The following MYO18B variants were observed in gnomAD, a reference collection of about 807,000 sequenced individuals.
The protein encoded by MYO18B is myosin XVIIIB, also known as unconventional myosin-XVIIIb.
MYO18B carries 204 observed loss-of-function variants against 273.0 expected under a neutral mutation model. The observed-to-expected ratio is 0.75, with a 90% CI of 0.67 to 0.84. The LOEUF (loss-of-function observed/expected upper bound fraction) is 0.84. Ranked by LOEUF, MYO18B falls within the 40% of genes least tolerant of loss-of-function variation. MYO18B has a pLI of 0.00. For synonymous variants in MYO18B, 1,330 were observed against 1,305.7 expected (o/e 1.02, Z -0.40); for missense variants, 3,212 against 3,287.6 (o/e 0.98, Z 0.56).
chr22:26,055,080 T>C, the MYO18B span, among the ~76,000 whole-genome samples: 11 of 152,190 alleles, frequency 7.2e-5, no homozygotes, highest in Non-Finnish European at 1.3e-4. Flanking sequence ...GCCTCCTGTG[T>C]GCCAGACACC....
intron 3 of MYO18B, among the ~76,000 whole-genome samples, chr22:25,763,729 A>G (rs118015847): frequency 0.013 from 1,995 of 152,314 alleles, 24 homozygotes; most frequent in South Asian, 0.027. Flanking sequence ...CTCTCATTCA[A>G]TTCTGTATCT....
At chr22:26,058,721 C>T in the MYO18B span, among the ~76,000 whole-genome samples, 7 of 152,158 alleles carry the variant, frequency 4.6e-5, no homozygotes. Flanking sequence ...CTCTTTCTTC[C>T]TCTCTCACTG....
chr22:25,969,937 C>T (rs1039688198), intron 39 of MYO18B, among the ~76,000 whole-genome samples: 42 of 152,134 alleles, frequency 2.8e-4, no homozygotes, highest in Admixed American at 2.7e-3. Flanking sequence ...TAATAACCAT[C>T]ATCATCATCA....
chr22:25,959,820 T>C (rs1453647200), intron 39 of MYO18B, among the ~76,000 whole-genome samples: 3 of 152,168 alleles, frequency 2.0e-5, no homozygotes, highest in African/African-American at 7.2e-5. Context: ...CTGGGATTGG[T>C]GTCCCACGTG....
chr22:25,860,692 A>G (rs1478942761), intron 21 of MYO18B, among the ~76,000 whole-genome samples: 1 of 152,082 alleles, frequency 6.6e-6, no homozygotes, highest in Admixed American at 6.5e-5. Context: ...AACATATGTT[A>G]TATGATTTCA....
At chr22:25,842,729 C>T (rs2090122142) in intron 17 of MYO18B, among the ~76,000 whole-genome samples, 1 of 151,598 alleles carries the variant, frequency 6.6e-6, no homozygotes, top group African/African-American at 2.4e-5. Context: ...AGACAGCTAT[C>T]CCAAACCTGT....
intron 33 of MYO18B, among the ~76,000 whole-genome samples, chr22:25,918,404 T>G (rs1185622509): frequency 1.3e-5 from 2 of 152,260 alleles, no homozygotes; most frequent in Non-Finnish European, 2.9e-5. Context: ...CTAAACATCA[T>G]GTAGATTTAT....
intron 22 of MYO18B, 150 bp from the exon 23 acceptor site, chr22:25,874,136 T>G: frequency 1.1e-6 from 1 of 899,098 alleles, no homozygotes; most frequent in Non-Finnish European, 1.7e-6. Context: ...GCTTTGATAA[T>G]TTAGACTCCC....
Position 25,805,654 on chromosome 22 carries a change from T to TAACCAAAA in MYO18B, c.2521+7558_2521+7559insACCAAAAA, listed in dbSNP as rs575049799. Reference sequence around the variant, plus strand: ...CACACGTTTGGTTGGGTTACTTCAGTAGAGCTACCGATGACCCTGTATGAG... The same window carrying TAACCAAAA: ...CACACGTTTGGTTGGGTTACTTCAGTAACCAAAAAGAGCTACCGATGACCCTGTATGAG... On this transcript the variant is annotated intron_variant, in intron 12 of 43. Transcript: ENST00000335473. Among the ~76,000 whole-genome samples, 11 of 152,342 alleles carry TAACCAAAA rather than the reference T, an allele frequency of 7.2e-5. No homozygotes were observed. In the South Asian group the frequency reaches 2.1e-3, roughly 29 times the overall value.
chr22:25,883,469 T>G lies in MYO18B; in HGVS notation c.4314+5421T>G, dbSNP rs1331217542. 1 of 152,212 alleles carries G rather than the reference T, an allele frequency of 6.6e-6. No homozygotes were observed. The allele number at this position is 152,212 out of a possible 1,614,324, so 9.4% of individuals were successfully genotyped here. On this transcript the variant is annotated intron_variant, in intron 25 of 43. Transcript: ENST00000335473. The surrounding 1 kb of genome is among the most constrained non-coding windows in gnomAD (Gnocchi z 7.6). ...CTGAATCAGTAGGCTTGGCGTGGCCTTGGGGAGGCTGTATTTCTAACATGC... is the reference window on the plus strand; with the variant it reads ...CTGAATCAGTAGGCTTGGCGTGGCCGTGGGGAGGCTGTATTTCTAACATGC...
chr22:26,062,084 G>T, the MYO18B span, among the ~76,000 whole-genome samples: 107 of 152,304 alleles, frequency 7.0e-4, no homozygotes, highest in Middle Eastern at 3.4e-3. Flanking sequence ...TAGGATCCAT[G>T]AAACATTATT....
intron 34 of MYO18B, among the ~76,000 whole-genome samples, chr22:25,933,391 A>G (rs149981380): frequency 2.8e-4 from 43 of 152,256 alleles, no homozygotes; most frequent in Middle Eastern, 6.8e-3. Flanking sequence ...TCAAAAGCCA[A>G]CTGGTGGTTT....
chr22:25,774,228 A>G (rs932344400), intron 7 of MYO18B, among the ~76,000 whole-genome samples: 3 of 151,644 alleles, frequency 2.0e-5, no homozygotes, highest in Admixed American at 6.6e-5. Flanking sequence ...ACCTTCAGTC[A>G]CTCCCAGGGG....
At chr22:25,865,656 G>A (rs1029438449) in intron 21 of MYO18B, among the ~76,000 whole-genome samples, 2 of 152,122 alleles carry the variant, frequency 1.3e-5, no homozygotes, top group Non-Finnish European at 2.9e-5. Context: ...TCGGAGTAAA[G>A]CACTTCCCCA....
At chr22:26,039,077 C>T in the MYO18B span, among the ~76,000 whole-genome samples, 2 of 151,992 alleles carry the variant, frequency 1.3e-5, no homozygotes, top group Admixed American at 1.3e-4. Flanking sequence ...AAGATGAAGC[C>T]TGGAAGACTG....
intron 33 of MYO18B, among the ~76,000 whole-genome samples, chr22:25,913,848 A>C (rs1378942733): frequency 6.6e-6 from 1 of 152,240 alleles, no homozygotes; most frequent in East Asian, 1.9e-4. Flanking sequence ...CTTAATAAAA[A>C]ATATTTTTAA....
Position 25,763,295 on chromosome 22 carries a change from G to A in MYO18B, c.104G>A (p.Gly35Glu). The A allele has an allele frequency of 1.2e-6, 2 of 1,613,110 alleles. No homozygotes were observed. Among genetic ancestry groups the A allele is most frequent in the South Asian group, 1.1e-5 (1 of 90,992 alleles). ...CCTCCTCTTTTCTCTGTCATCCCAG[G>A]GGGCTTCATTAAGCAACTGGTCCGG... is the stretch of plus-strand genomic sequence containing the variant. ...SPPPLFSVIP[G>E]GFIKQLVRGT... Residue 35 changes from glycine (G) to glutamate (E), a missense_variant, in exon 3 of 44, where the codon GGG becomes GAG. Coordinates refer to ENST00000335473, the MANE Select transcript of MYO18B (RefSeq NM_032608.7).
intron 31 of MYO18B, 149 bp downstream of exon 31, chr22:25,903,980 C>A: frequency 1.2e-6 from 1 of 842,054 alleles, no homozygotes; most frequent in Non-Finnish European, 1.8e-6. Flanking sequence ...GCTCCTAAGT[C>A]TGACATTCAG....
At chr22:25,852,850 A>G (rs1424616253) in intron 21 of MYO18B, among the ~76,000 whole-genome samples, 4 of 152,228 alleles carry the variant, frequency 2.6e-5, no homozygotes, top group African/African-American at 9.6e-5. Context: ...TGGTTATGTC[A>G]TCTTTCTGCC....
Sources: gnomAD v4.1 joint callset for allele counts (sites outside exome capture counted in the v4.1 genomes callset) on GRCh38, gnomAD v4.1.1 for gene constraint, Gnocchi (gnomAD v3.1) non-coding constraint, MANE v1.5 for transcripts, NCBI Gene and HGNC (gene_info 2026-07-23, HGNC 2026-07-21) for gene names.